PUM1: variants seen among roughly 807,000 people sequenced by gnomAD.
PUM1 encodes pumilio RNA binding family member 1, also known as pumilio homolog 1.
A neutral mutation model predicts 131.8 loss-of-function variants in PUM1; 13 were observed. The ratio of observed to expected loss-of-function variants is 0.10; its 90% CI spans 0.06 to 0.16. The LOEUF is 0.16. Ranked by LOEUF, PUM1 falls within the 10% of genes least tolerant of loss-of-function variation. PUM1 has a pLI of 1.00. For synonymous variants in PUM1, 509 were observed against 556.5 expected, an observed-to-expected ratio of 0.91 and a Z score of 1.20; for missense variants, 961 against 1,512.4, an observed-to-expected ratio of 0.64 and a Z score of 6.05.
chr1:30,980,350 A>G (rs1261403690), intron 8 of PUM1, among the ~76,000 whole-genome samples, 187 bp from the exon 9 acceptor site: 1 of 152,330 alleles, frequency 6.6e-6, no homozygotes, highest in East Asian at 1.9e-4. Flanking sequence ...ATTATAATGA[A>G]ATGTTTATAT....
intron 4 of PUM1, among the ~76,000 whole-genome samples, chr1:31,006,332 T>C (rs576024886): frequency 4.9e-4 from 74 of 152,366 alleles, no homozygotes; most frequent in Admixed American, 1.4e-3. Context: ...ATATATTTTA[T>C]TAGTATTACT....
rs35459131 is a variant in PUM1, at chr1:31,026,944, C to CAAAAAAAAA, written c.432+1843_432+1851dup. 2.8e-5 allele frequency among the ~76,000 whole-genome samples: 3 copies of CAAAAAAAAA among 106,526 alleles called. 1 individual carries two copies. The highest frequency in any genetic ancestry group is 4.2e-5 in the Non-Finnish European group (2 of 47,078). 69.9% of individuals were successfully genotyped at this position (106,526 alleles called of 152,430 possible). A position where few individuals can be genotyped will look rare whatever the true frequency, so the allele number is the denominator to read the frequency against. On this transcript the variant is annotated intron_variant, in intron 3 of 21. Coordinates refer to ENST00000426105, the MANE Select transcript of PUM1 (RefSeq NM_001020658.2). ...CCCACGGAATTATATACATATACCA[C>CAAAAAAAAA]AAAAAAAAAAAAAAAAAGGCGTTTC...
intron 6 of PUM1, among the ~76,000 whole-genome samples, chr1:30,993,327 G>T (rs547078670): frequency 1.4e-5 from 2 of 140,342 alleles, no homozygotes; most frequent in Admixed American, 1.5e-4. Context: ...TCCAAACCAG[G>T]ACATGCCTAA....
intron 7 of PUM1, among the ~76,000 whole-genome samples, chr1:30,987,170 G>A (rs1328092448): frequency 2.0e-5 from 3 of 150,350 alleles, no homozygotes; most frequent in Admixed American, 6.6e-5. Flanking sequence ...TGCCATGTTT[G>A]TAACATAATA....
intron 2 of PUM1, chr1:31,037,239 G>C (rs1451661339): frequency 6.6e-6 from 1 of 152,598 alleles, no homozygotes; most frequent in African/African-American, 2.4e-5. Context: ...ATCAAAGATC[G>C]TAACACTTGG....
rs771351848 is a variant in PUM1 at position 30,992,659 on chromosome 1, G to A, written c.889C>T (p.Arg297Cys). 10 of 1,610,614 alleles carry A rather than the reference G, an allele frequency of 6.2e-6. No homozygotes were observed. Among genetic ancestry groups the A allele is most frequent in the East Asian group, 2.2e-5 (1 of 44,788 alleles). ...GAGTTCTGGCAATTACCAGGGGTAC[G>A]GCTAAACAGAGAAAGTAAAGGGCAT... is the stretch of plus-strand genomic sequence containing the variant. ...GIDADVKDFS[R>C]TPGNCQNSAN... The change falls in exon 7 of 22, where the codon CGT becomes TGT. Residue 297 changes from arginine (R) to cysteine (C), a missense_variant and splice_region_variant. Physicochemically the swap from Arg to Cys is radical, Grantham distance 180. This residue lies in a region of PUM1 where 654 missense variants were observed against 923.9 expected (regional missense o/e 0.71). Coordinates refer to ENST00000426105, the MANE Select transcript of PUM1 (RefSeq NM_001020658.2).
intron 2 of PUM1, among the ~76,000 whole-genome samples, chr1:31,041,887 G>A (rs1210782893): frequency 1.3e-5 from 2 of 151,918 alleles, no homozygotes; most frequent in African/African-American, 4.8e-5. Flanking sequence ...AAATGAGAAA[G>A]ATAAAAATGT....
Position 31,059,157 on chromosome 1 carries a change from G to C in PUM1, c.363+47C>G, listed in dbSNP as rs777537128. The C allele has an allele frequency of 2.6e-6, 4 of 1,516,826 alleles. No homozygotes were observed. The East Asian group carries it at 9.1e-5, about 34-fold the overall frequency. The allele number at this position is 1,516,826 out of a possible 1,614,324, so 94.0% of individuals were successfully genotyped here. ...TGAAAGCAGATATCCTAAGTGGACAGTGATTATAAAGGAATGTCAAAGCTA... is the reference window on the plus strand; with the variant it reads ...TGAAAGCAGATATCCTAAGTGGACACTGATTATAAAGGAATGTCAAAGCTA... On this transcript the variant is annotated intron_variant, in intron 2 of 21. Coordinates refer to ENST00000426105, the MANE Select transcript of PUM1 (RefSeq NM_001020658.2).
intron 3 of PUM1, among the ~76,000 whole-genome samples, chr1:31,011,158 T>C (rs1440089235): frequency 1.1e-5 from 1 of 94,464 alleles, no homozygotes. Context: ...ACCCTATCTC[T>C]TAAAATACAC....
intron 2 of PUM1, among the ~76,000 whole-genome samples, chr1:31,040,981 G>T (rs1003184437): frequency 3.3e-5 from 5 of 152,112 alleles, no homozygotes; most frequent in African/African-American, 1.2e-4. Flanking sequence ...GGGAGATGCA[G>T]GAAAGCCAGT....
chr1:31,023,912 G>A (rs1238513059), intron 3 of PUM1, among the ~76,000 whole-genome samples: 16 of 124,020 alleles, frequency 1.3e-4, no homozygotes, highest in Non-Finnish European at 2.0e-4. Flanking sequence ...GTGACAGAGC[G>A]AGACTCTGTC....
In PUM1 at chr1:30,992,403, T is replaced by C. The variant is rs560648926; in HGVS notation, c.1145A>G (p.Asn382Ser). The C allele has an allele frequency of 6.0e-5, 97 of 1,613,936 alleles. No individual in the cohort carries two copies. Among genetic ancestry groups the C allele is most frequent in the Non-Finnish European group, 7.6e-5 (90 of 1,179,952 alleles). ...CACACACAGTACCTGTTGTTGAGAA[T>C]TGTAGTCAAAAAGTCCCACAGTTGC... The part of the protein sequence containing the change: ...AAATVGLFDY[N>S]SQQQLFQRPN... The change falls in exon 7 of 22, where the codon AAT becomes AGT. Residue 382 changes from asparagine to serine, a missense_variant. By Grantham distance (46) the Asn-to-Ser change is conservative (BLOSUM62 1). Around this residue, in one of 4 missense-constraint regions of PUM1, gnomAD observed 654 missense variants for 923.9 expected, o/e 0.71. Coordinates refer to ENST00000426105, the MANE Select transcript of PUM1 (RefSeq NM_001020658.2).
At chr1:31,056,295 T>C (rs957502647) in intron 2 of PUM1, among the ~76,000 whole-genome samples, 3 of 150,304 alleles carry the variant, frequency 2.0e-5, no homozygotes, top group Non-Finnish European at 4.4e-5. Flanking sequence ...TTTTCTTTTT[T>C]TGGAGACAGA....
intron 14 of PUM1, among the ~76,000 whole-genome samples, chr1:30,958,274 T>TAGTTTAGAACTA (rs762528367): frequency 2.0e-5 from 3 of 152,258 alleles, no homozygotes. Context: ...AAATGCTTTT[T>TAGTTTAGAACTA]AGTTTAGAAC....
intron 7 of PUM1, among the ~76,000 whole-genome samples, chr1:30,989,039 A>T (rs1401962294): frequency 6.6e-6 from 1 of 152,156 alleles, no homozygotes; most frequent in Non-Finnish European, 1.5e-5. Context: ...AAAAAAAACA[A>T]ACTATAATAA....
chr1:30,980,069 C>A lies in PUM1; in HGVS notation c.1347G>T (p.Ala449=), dbSNP rs745873894. ...DPYTAGLAAA[A]TLGPAVVPHQ... ...TGCAGCAGAATGTCTCACCTAGTGT[C>A]GCTGCTGCAGCCAATCCAGCTGTGT... Residue 449 remains alanine, a synonymous_variant, in exon 9 of 22, where the codon GCG becomes GCT. Transcript: ENST00000426105. 3.1e-6 allele frequency: 5 copies of A among 1,600,908 alleles called. No homozygotes were observed. Among genetic ancestry groups the A allele is most frequent in the Non-Finnish European group, 4.3e-6 (5 of 1,172,772 alleles).
intron 3 of PUM1, among the ~76,000 whole-genome samples, chr1:31,026,885 A>G (rs1643239624): frequency 6.6e-6 from 1 of 151,228 alleles, no homozygotes; most frequent in South Asian, 2.1e-4. Flanking sequence ...GATGGAATAT[A>G]CTGTTTTGTT....
At chr1:30,952,672 A>AGGGG (rs1489893024) in intron 15 of PUM1, among the ~76,000 whole-genome samples, 1 of 10,538 alleles carries the variant, frequency 9.5e-5, no homozygotes, top group Non-Finnish European at 2.2e-4. Flanking sequence ...GGAAGATGAA[A>AGGGG]GCGGGGGGGG....
At position 30,933,437 on chromosome 1, in the gene PUM1, C is replaced by CAT. The variant is rs1295522102; in HGVS notation, c.3436-97_3436-96dup. 1.2e-4 allele frequency: 100 copies of CAT among 802,388 alleles called. No homozygotes were observed. In the African/African-American group the frequency reaches 1.9e-3, roughly 16 times the overall value. 49.7% of individuals were successfully genotyped at this position (802,388 alleles called of 1,614,324 possible). A position where few individuals can be genotyped will look rare whatever the true frequency, so the allele number is the denominator to read the frequency against. Reference sequence around the variant, plus strand: ...ATTTGCATGTCATGCATCACACACACATACACACACACACACACACACACA... The same window carrying CAT: ...ATTTGCATGTCATGCATCACACACACATATACACACACACACACACACACACA... On this transcript the variant is annotated intron_variant, in intron 21 of 21. Coordinates refer to ENST00000426105, the MANE Select transcript of PUM1 (RefSeq NM_001020658.2).
Sources: allele counts gnomAD v4.1 joint callset (sites outside exome capture counted in the v4.1 genomes callset), GRCh38; gene constraint gnomAD v4.1.1; regional missense constraint gnomAD v4.1.1; transcripts MANE v1.5; gene names NCBI Gene and HGNC (gene_info 2026-07-23, HGNC 2026-07-21).